The following ARHGEF9 variants were observed in gnomAD, a reference collection of about 807,000 sequenced individuals.
ARHGEF9 encodes Cdc42 guanine nucleotide exchange factor 9.
ARHGEF9 carries 2 observed loss-of-function variants against 41.3 expected under a neutral mutation model. That is an observed-to-expected ratio of 0.05 (90% CI 0.02 to 0.15). The LOEUF is 0.15. Ranked by LOEUF, ARHGEF9 falls within the 10% of genes least tolerant of loss-of-function variation. The pLI, the probability that ARHGEF9 is intolerant of heterozygous loss-of-function variation, is 1.00. For synonymous variants in ARHGEF9, 160 were observed against 154.4 expected (o/e 1.04, Z -0.27); for missense variants, 225 against 424.7 (o/e 0.53, Z 4.13).
In ARHGEF9 at chrX:63,678,327, C is replaced by T. The variant is rs2050401859; in HGVS notation, c.815+13G>A. 8.5e-7 allele frequency: 1 copy of T among 1,179,713 alleles called. No individual in the cohort carries two copies. The highest frequency in any genetic ancestry group is 1.8e-5 in the African/African-American group (1 of 56,468). On this transcript the variant is annotated intron_variant, in intron 5 of 9. Coordinates refer to ENST00000671741, the MANE Select transcript of ARHGEF9 (RefSeq NM_001353921.2). ...AGTTCCCTCATTCACTCCTGACTCCCTCGATCCCTTACCTGTGGTCTTGGG... is the reference window on the plus strand; with the variant it reads ...AGTTCCCTCATTCACTCCTGACTCCTTCGATCCCTTACCTGTGGTCTTGGG...
intron 4 of ARHGEF9, among the ~76,000 whole-genome samples, chrX:63,686,538 C>T (rs2050993365): frequency 2.7e-5 from 3 of 111,733 alleles, no homozygotes; most frequent in African/African-American, 9.8e-5. Context: ...AAAAATTTCT[C>T]ACATACTCCA....
chrX:63,653,997 A>G (rs1369305479), intron 8 of ARHGEF9, among the ~76,000 whole-genome samples: 1 of 109,969 alleles, frequency 9.1e-6, no homozygotes, highest in African/African-American at 3.3e-5. Context: ...AGTCACCTTG[A>G]TTTTTCTAAT....
chrX:63,665,558 T>G (rs73526820), intron 7 of ARHGEF9, among the ~76,000 whole-genome samples: 202 of 112,538 alleles, frequency 1.8e-3, no homozygotes, highest in African/African-American at 6.2e-3. Flanking sequence ...GATAGACATA[T>G]TTCAATATTT....
intron 1 of ARHGEF9, chrX:63,754,997 C>T (rs1233618499): frequency 1.4e-5 from 13 of 939,228 alleles, no homozygotes; most frequent in South Asian, 5.9e-5. Context: ...CGGTCAGTCT[C>T]AGTCTCCCCT....
chrX:63,773,380 A>C (rs1185127068), intron 1 of ARHGEF9, among the ~76,000 whole-genome samples: 11 of 111,713 alleles, frequency 9.8e-5, no homozygotes, highest in African/African-American at 3.6e-4. Context: ...AGAAGGTATG[A>C]TCTTCTAAGG....
At chrX:63,673,674 T>C (rs1238081390) in intron 6 of ARHGEF9, among the ~76,000 whole-genome samples, 1 of 111,044 alleles carries the variant, frequency 9.0e-6, no homozygotes, top group Non-Finnish European at 1.9e-5. Flanking sequence ...ACCAACCTCG[T>C]ATTCTGTGTC....
chrX:63,660,659 C>T (rs782299329), intron 7 of ARHGEF9, among the ~76,000 whole-genome samples: 21 of 111,826 alleles, frequency 1.9e-4, no homozygotes, highest in Non-Finnish European at 3.4e-4. Flanking sequence ...TTACAATGTG[C>T]TATATTGCCT....
chrX:63,728,931 T>C (rs1356436492), intron 1 of ARHGEF9, among the ~76,000 whole-genome samples: 3 of 111,430 alleles, frequency 2.7e-5, no homozygotes, highest in African/African-American at 9.8e-5. Flanking sequence ...GGAAATGTGA[T>C]GGTGAACAAG....
chrX:63,754,934 TC>T, intron 1 of ARHGEF9: 2 of 939,799 alleles, frequency 2.1e-6, no homozygotes, highest in South Asian at 5.8e-5. Context: ...TGAGTGGTTC[TC>T]CGGCGCCTGC....
chrX:63,720,086 T>C (rs1419912955), intron 2 of ARHGEF9, among the ~76,000 whole-genome samples: 5 of 111,331 alleles, frequency 4.5e-5, no homozygotes, highest in African/African-American at 1.6e-4. Flanking sequence ...CAGAGGACCA[T>C]AGGCTTATAT....
intron 6 of ARHGEF9, 91 bp downstream of exon 6, chrX:63,673,947 T>C: frequency 2.7e-6 from 3 of 1,093,557 alleles, no homozygotes; most frequent in South Asian, 1.9e-5. Flanking sequence ...GCTCTTCAAA[T>C]GTAATTTCTC....
chrX:63,665,852 C>T (rs2049503962), intron 7 of ARHGEF9, 34 bp downstream of exon 7: 2 of 1,202,768 alleles, frequency 1.7e-6, no homozygotes, highest in Admixed American at 2.2e-5. Flanking sequence ...TGTTAGGTAC[C>T]CATCTCCCTC....
In ARHGEF9 at chrX:63,637,993, AC is replaced by A; in HGVS notation, c.*34del. On this transcript the variant is annotated 3_prime_UTR_variant, in exon 10 of 10. Coordinates refer to ENST00000671741, the MANE Select transcript of ARHGEF9 (RefSeq NM_001353921.2). ...TCCATCTATAAATATAATTTTATTT[AC>A]TTTATTTTAAAATTATCTGCCTCCC... 8.8e-7 allele frequency: 1 copy of A among 1,142,451 alleles called. No individual in the cohort carries two copies. The highest frequency in any genetic ancestry group is 1.2e-6 in the Non-Finnish European group (1 of 855,852). The allele number at this position is 1,142,451 out of a possible 1,213,427, so 94.2% of individuals were successfully genotyped here. A position where few individuals can be genotyped will look rare whatever the true frequency, so the allele number is the denominator to read the frequency against.
At chrX:63,757,093 T>G (rs1346652830) in intron 1 of ARHGEF9, among the ~76,000 whole-genome samples, 1 of 112,078 alleles carries the variant, frequency 8.9e-6, no homozygotes, top group African/African-American at 3.2e-5. Context: ...CTGTCTTCAC[T>G]TCCTGCATGG....
intron 3 of ARHGEF9, chrX:63,701,782 A>G (rs1251332951): frequency 8.9e-6 from 1 of 112,047 alleles, no homozygotes; most frequent in Admixed American, 9.5e-5. Context: ...AAGAAACTCC[A>G]TGAAAATGGG....
chrX:63,766,869 G>A (rs2056122169), intron 1 of ARHGEF9: 6 of 342,952 alleles, frequency 1.7e-5, no homozygotes, highest in Middle Eastern at 4.9e-4. Context: ...CATCCACTCC[G>A]ACAAGATGAA....
At chrX:63,742,406 T>G (rs2055016189) in intron 1 of ARHGEF9, among the ~76,000 whole-genome samples, 1 of 110,918 alleles carries the variant, frequency 9.0e-6, no homozygotes, top group Non-Finnish European at 1.9e-5. Flanking sequence ...AAAGAATCAG[T>G]GTGTAGATAT....
At chrX:63,645,924 A>G (rs782135948) in intron 8 of ARHGEF9, among the ~76,000 whole-genome samples, 4 of 111,997 alleles carry the variant, frequency 3.6e-5, no homozygotes, top group Non-Finnish European at 7.5e-5. Flanking sequence ...CGCCATTCCA[A>G]CTGGAGTGAG....
chrX:63,671,476 G>A (rs1261764583), intron 6 of ARHGEF9: 4 of 112,322 alleles, frequency 3.6e-5, no homozygotes, highest in African/African-American at 1.3e-4. Flanking sequence ...CATACAAAAA[G>A]CAAGTCGCTG....
Sources: allele counts gnomAD v4.1 joint callset (sites outside exome capture counted in the v4.1 genomes callset), GRCh38; gene constraint gnomAD v4.1.1; transcripts MANE v1.5; gene names NCBI Gene and HGNC (gene_info 2026-07-23, HGNC 2026-07-21).